The following GRIP1 variants were observed in gnomAD, a reference collection of about 807,000 sequenced individuals.
The protein encoded by GRIP1 is glutamate receptor interacting protein 1.
A neutral mutation model predicts 129.9 loss-of-function variants in GRIP1; 45 were observed. That is an observed-to-expected ratio of 0.35 (90% CI 0.27 to 0.44). The LOEUF is 0.44. GRIP1 is among the 20% of genes least tolerant of loss of function. The pLI, the probability that GRIP1 is intolerant of heterozygous loss-of-function variation, is 1.00. For missense variants in GRIP1, 1,196 were observed against 1,396.8 expected, an observed-to-expected ratio of 0.86 and a Z score of 2.29; for synonymous variants, 530 against 520.8, an observed-to-expected ratio of 1.02 and a Z score of -0.24.
At chr12:67,010,259 C>G (rs1246307626) in intron 1 of GRIP1, among the ~76,000 whole-genome samples, 1 of 152,110 alleles carries the variant, frequency 6.6e-6, no homozygotes, top group Admixed American at 6.6e-5. Context: ...ATTGAATCCT[C>G]TGTTTCTGTG....
At chr12:66,940,915 T>C (rs2041573860) in intron 1 of GRIP1, among the ~76,000 whole-genome samples, 1 of 152,200 alleles carries the variant, frequency 6.6e-6, no homozygotes, top group African/African-American at 2.4e-5. Context: ...AAGTGAGCTA[T>C]AAATTTAATA....
intron 1 of GRIP1, among the ~76,000 whole-genome samples, chr12:66,971,312 A>G (rs978904744): frequency 1.3e-5 from 2 of 152,176 alleles, no homozygotes; most frequent in African/African-American, 4.8e-5. Flanking sequence ...GAAGGGAGTG[A>G]GGACTCCCAA....
At chr12:66,511,986 T>C (rs1055126146) in intron 7 of GRIP1, among the ~76,000 whole-genome samples, 1 of 152,096 alleles carries the variant, frequency 6.6e-6, no homozygotes, top group African/African-American at 2.4e-5. Context: ...GCTGTTCTCA[T>C]GATAGTGAGT....
chr12:66,984,755 CTCAG>C (rs1171033187), intron 1 of GRIP1, among the ~76,000 whole-genome samples: 22 of 152,294 alleles, frequency 1.4e-4, no homozygotes, highest in East Asian at 5.8e-4. Flanking sequence ...CTCTAGTGTG[CTCAG>C]TCAAAGTAAA....
intron 1 of GRIP1, among the ~76,000 whole-genome samples, chr12:66,996,277 C>T (rs139548868): frequency 1.4e-3 from 220 of 151,988 alleles, no homozygotes; most frequent in African/African-American, 4.8e-3. Context: ...CTGGCTTGCA[C>T]ACTTTAAATG....
At chr12:66,477,465 A>G (rs1310985059) in intron 7 of GRIP1, among the ~76,000 whole-genome samples, 1 of 152,048 alleles carries the variant, frequency 6.6e-6, no homozygotes, top group Non-Finnish European at 1.5e-5. Context: ...CAGGTAATTT[A>G]TAGATTCAAT....
intron 7 of GRIP1, among the ~76,000 whole-genome samples, chr12:66,471,578 C>A (rs1592382234): frequency 1.3e-5 from 2 of 152,256 alleles, no homozygotes; most frequent in East Asian, 1.9e-4. Context: ...AATTTCCCAG[C>A]AACCTGAATA....
intron 1 of GRIP1, among the ~76,000 whole-genome samples, chr12:66,912,362 G>A (rs1725091795): frequency 6.6e-6 from 1 of 151,932 alleles, no homozygotes; most frequent in Non-Finnish European, 1.5e-5. Context: ...CAAAATTTAA[G>A]TACCAAAGGA....
chr12:66,908,543 A>T (rs2040974587), intron 1 of GRIP1, among the ~76,000 whole-genome samples: 2 of 152,236 alleles, frequency 1.3e-5, no homozygotes, highest in Non-Finnish European at 2.9e-5. Context: ...GTATTAAAAT[A>T]AATTGAGGAA....
At chr12:66,800,375 T>C (rs971778382) in intron 1 of GRIP1, among the ~76,000 whole-genome samples, 2 of 152,090 alleles carry the variant, frequency 1.3e-5, no homozygotes, top group African/African-American at 4.8e-5. Flanking sequence ...TACACAGGTG[T>C]ATAAGATGCT....
intron 7 of GRIP1, among the ~76,000 whole-genome samples, chr12:66,475,864 C>A (rs190027399): frequency 1.3e-5 from 2 of 152,224 alleles, no homozygotes; most frequent in Non-Finnish European, 1.5e-5. Context: ...TAAATGCCCA[C>A]AAGAGAAAGC....
At chr12:66,527,733 C>G (rs144165648) in intron 5 of GRIP1, among the ~76,000 whole-genome samples, 6 of 152,084 alleles carry the variant, frequency 3.9e-5, no homozygotes, top group South Asian at 2.1e-4. Context: ...CATGTTCTCA[C>G]TTATAAGTGG....
intron 1 of GRIP1, among the ~76,000 whole-genome samples, chr12:66,704,837 C>T (rs1380995277): frequency 6.6e-6 from 1 of 152,060 alleles, no homozygotes; most frequent in Non-Finnish European, 1.5e-5. Context: ...CTAGATAATT[C>T]CTCCATTTCA....
chr12:66,423,018 G>T (rs2057862501), intron 14 of GRIP1, among the ~76,000 whole-genome samples: 1 of 152,150 alleles, frequency 6.6e-6, no homozygotes, highest in African/African-American at 2.4e-5. Flanking sequence ...AGCATGCTTT[G>T]CTTGGCTGGT....
intron 7 of GRIP1, among the ~76,000 whole-genome samples, chr12:66,471,665 A>C (rs1375571786): frequency 6.6e-6 from 1 of 152,228 alleles, no homozygotes; most frequent in Non-Finnish European, 1.5e-5. Context: ...GGTGGAAATA[A>C]AGATGATTCT....
chr12:67,061,799 G>C (rs2043540183), intron 1 of GRIP1, among the ~76,000 whole-genome samples: 1 of 152,022 alleles, frequency 6.6e-6, no homozygotes, highest in Non-Finnish European at 1.5e-5. Flanking sequence ...CACTTTGGTG[G>C]TTCCTTATTT....
At chr12:66,881,581 C>A (rs1362584316) in intron 1 of GRIP1, among the ~76,000 whole-genome samples, 3 of 152,106 alleles carry the variant, frequency 2.0e-5, no homozygotes, top group East Asian at 1.9e-4. Flanking sequence ...AGCTTTACAG[C>A]CTTTGAAGGT....
At chr12:66,960,096 T>A (rs540331163) in intron 1 of GRIP1, among the ~76,000 whole-genome samples, 1 of 152,320 alleles carries the variant, frequency 6.6e-6, no homozygotes, top group Admixed American at 6.5e-5. Flanking sequence ...TCACATAGAT[T>A]ATCTAGTCTT....
chr12:67,000,572 C>T (rs567272663), intron 1 of GRIP1, among the ~76,000 whole-genome samples: 2 of 152,214 alleles, frequency 1.3e-5, no homozygotes, highest in Non-Finnish European at 2.9e-5. Flanking sequence ...TAGCTTTGCA[C>T]TCTAATTTAG....
Sources: allele counts gnomAD v4.1 joint callset (sites outside exome capture counted in the v4.1 genomes callset), GRCh38; gene constraint gnomAD v4.1.1; transcripts MANE v1.5; gene names NCBI Gene and HGNC (gene_info 2026-07-23, HGNC 2026-07-21).